TRHDE: variants seen among roughly 807,000 people sequenced by gnomAD.
The protein encoded by TRHDE is thyrotropin releasing hormone degrading enzyme.
TRHDE carries 72 observed loss-of-function variants against 125.7 expected under a neutral mutation model. The ratio of observed to expected loss-of-function variants is 0.57; its 90% CI spans 0.47 to 0.70. The LOEUF (loss-of-function observed/expected upper bound fraction) is 0.70. Among genes scored for constraint, TRHDE ranks in the 30% least tolerant of loss-of-function variants. The probability of loss-of-function intolerance (pLI) is 0.00; values close to 1 mark genes in which losing one functional copy is unlikely to be tolerated. For synonymous variants in TRHDE, 509 were observed against 509.1 expected (o/e 1.00, Z 0.00); for missense variants, 1,110 against 1,327.1 (o/e 0.84, Z 2.54).
chr12:72,401,198 G>A (rs1268357214), intron 3 of TRHDE, among the ~76,000 whole-genome samples: 1 of 152,124 alleles, frequency 6.6e-6, no homozygotes, highest in South Asian at 2.1e-4. Flanking sequence ...CTCTATGACA[G>A]TTTTGCTTTC....
intron 15 of TRHDE, among the ~76,000 whole-genome samples, chr12:72,639,106 A>C (rs2136096758): frequency 6.6e-6 from 1 of 151,016 alleles, no homozygotes; most frequent in African/African-American, 2.4e-5. Flanking sequence ...GTGTTTTCCA[A>C]CTTGGTTCCA....
At chr12:72,571,268 T>G (rs1435503929) in intron 10 of TRHDE, among the ~76,000 whole-genome samples, 1 of 152,172 alleles carries the variant, frequency 6.6e-6, no homozygotes, top group Non-Finnish European at 1.5e-5. Flanking sequence ...CACAAAAACA[T>G]GAAGAAAAAA....
In TRHDE at chr12:72,148,681, T is replaced by C. The variant is rs539821632; in HGVS notation, n.279+42929T>C. Among the ~76,000 whole-genome samples, 26 of 152,344 alleles carry C rather than the reference T, an allele frequency of 1.7e-4. 1 individual carries two copies. The highest frequency in any genetic ancestry group is 5.8e-4 in the African/African-American group (24 of 41,580). ...TATGGTTAAGTGTCATAAAACAATT[T>C]TGGCATATCATGGTGCCCTTAGGAA... On this transcript the variant is annotated intron_variant and non_coding_transcript_variant, in intron 2 of 4. Transcript: ENST00000548156.
chr12:72,091,675 T>C (rs1357337355), intron 1 of TRHDE, among the ~76,000 whole-genome samples: 1 of 152,166 alleles, frequency 6.6e-6, no homozygotes, highest in Admixed American at 6.5e-5. Context: ...GCTATATAAG[T>C]AAACAGCAAA....
chr12:72,343,848 C>G (rs1870194158), intron 2 of TRHDE, among the ~76,000 whole-genome samples: 1 of 152,096 alleles, frequency 6.6e-6, no homozygotes. Context: ...TGGGGAACCT[C>G]TTGCTGGTTG....
At chr12:72,386,493 T>C (rs1216224803) in intron 3 of TRHDE, among the ~76,000 whole-genome samples, 1 of 152,188 alleles carries the variant, frequency 6.6e-6, no homozygotes, top group East Asian at 1.9e-4. Context: ...TTTTCCTTTT[T>C]TCCTGAATCT....
intron 3 of TRHDE, among the ~76,000 whole-genome samples, chr12:72,384,692 A>G (rs962690567): frequency 6.6e-6 from 1 of 152,122 alleles, no homozygotes; most frequent in Non-Finnish European, 1.5e-5. Context: ...CTATAATAGA[A>G]TAGTTAAATT....
chr12:72,283,982 A>C (rs1315994974), intron 1 of TRHDE, among the ~76,000 whole-genome samples: 1 of 151,950 alleles, frequency 6.6e-6, no homozygotes, highest in Non-Finnish European at 1.5e-5. Flanking sequence ...TATATCTTAA[A>C]AAAAAAGTTA....
intron 2 of TRHDE, among the ~76,000 whole-genome samples, chr12:72,131,103 C>T (rs1420888439): frequency 4.2e-5 from 5 of 117,734 alleles, no homozygotes; most frequent in South Asian, 5.5e-4. Flanking sequence ...ACAGAGTCTT[C>T]CTCTGTCACC....
chr12:72,579,669 C>T (rs1315760826), intron 12 of TRHDE, among the ~76,000 whole-genome samples: 1 of 152,052 alleles, frequency 6.6e-6, no homozygotes, highest in Non-Finnish European at 1.5e-5. Flanking sequence ...TAGGGCTTCC[C>T]TGTCTGAAGA....
intron 15 of TRHDE, among the ~76,000 whole-genome samples, chr12:72,648,611 C>T (rs1005243834): frequency 6.6e-6 from 1 of 151,854 alleles, no homozygotes; most frequent in Non-Finnish European, 1.5e-5. Flanking sequence ...AATAAACTAT[C>T]TGAAAAGTAA....
intron 5 of TRHDE, among the ~76,000 whole-genome samples, chr12:72,479,483 G>A (rs574900619): frequency 2.6e-5 from 4 of 151,936 alleles, no homozygotes; most frequent in Admixed American, 6.6e-5. Flanking sequence ...ATTAGTATTC[G>A]TGTATATTCA....
intron 2 of TRHDE, among the ~76,000 whole-genome samples, chr12:72,183,765 A>T (rs1209919176): frequency 6.6e-6 from 1 of 152,196 alleles, no homozygotes; most frequent in African/African-American, 2.4e-5. Flanking sequence ...ACCCCAGTTA[A>T]AACTTTGCAC....
chr12:72,470,156 C>T (rs1876573142), intron 4 of TRHDE, among the ~76,000 whole-genome samples: 1 of 152,204 alleles, frequency 6.6e-6, no homozygotes, highest in Non-Finnish European at 1.5e-5. Flanking sequence ...GATGGCACTG[C>T]CACCCAGCAG....
chr12:72,409,716 G>T (rs1489015487), intron 3 of TRHDE, among the ~76,000 whole-genome samples: 2 of 152,154 alleles, frequency 1.3e-5, no homozygotes, highest in African/African-American at 4.8e-5. Flanking sequence ...TGTGATTTAG[G>T]CTGAAGGAAA....
chr12:72,110,513 G>C (rs1875292303), intron 2 of TRHDE, among the ~76,000 whole-genome samples: 1 of 151,888 alleles, frequency 6.6e-6, no homozygotes, highest in Non-Finnish European at 1.5e-5. Context: ...AGAGTTTTCT[G>C]TCTGTTGTGA....
intron 2 of TRHDE, among the ~76,000 whole-genome samples, chr12:72,224,347 C>T (rs1878080592): frequency 6.6e-6 from 1 of 151,916 alleles, no homozygotes; most frequent in Non-Finnish European, 1.5e-5. Context: ...TGATATCTAC[C>T]CAAGAAAGGG....
intron 3 of TRHDE, among the ~76,000 whole-genome samples, chr12:72,449,746 A>G (rs1176202031): frequency 2.0e-5 from 3 of 152,010 alleles, no homozygotes; most frequent in Non-Finnish European, 2.9e-5. Context: ...AAAGACAGTC[A>G]TGGTGTTATG....
At chr12:72,441,584 G>C (rs1875015406) in intron 3 of TRHDE, among the ~76,000 whole-genome samples, 1 of 151,842 alleles carries the variant, frequency 6.6e-6, no homozygotes, top group African/African-American at 2.4e-5. Context: ...CTCTGAAAAT[G>C]TTTTTAAGTG....
Sources: allele counts gnomAD v4.1 joint callset (sites outside exome capture counted in the v4.1 genomes callset), GRCh38; gene constraint gnomAD v4.1.1; transcripts MANE v1.5; gene names NCBI Gene and HGNC (gene_info 2026-07-23, HGNC 2026-07-21).